The following CLDN10 variants were observed in gnomAD, a reference collection of about 807,000 sequenced individuals.
CLDN10 encodes the protein claudin-10.
In CLDN10, 15 loss-of-function variants were observed where a neutral mutation model predicts 22.9. The ratio of observed to expected loss-of-function variants is 0.65; its 90% CI spans 0.44 to 1.01. The LOEUF (loss-of-function observed/expected upper bound fraction) is 1.01, where lower values mean the gene tolerates loss of function less well. Among genes scored for constraint, CLDN10 ranks in the 50% least tolerant of loss-of-function variants. CLDN10 has a pLI of 0.00. For synonymous variants in CLDN10, 114 were observed against 111.4 expected, an observed-to-expected ratio of 1.02 and a Z score of -0.15; for missense variants, 247 against 287.8, an observed-to-expected ratio of 0.86 and a Z score of 1.03.
At chr13:95,492,042 A>C (rs1266659433) in intron 1 of CLDN10, among the ~76,000 whole-genome samples, 2 of 152,154 alleles carry the variant, frequency 1.3e-5, no homozygotes, top group Admixed American at 6.5e-5. Flanking sequence ...TCAGCCATGG[A>C]TACCAGCACC....
intron 1 of CLDN10, among the ~76,000 whole-genome samples, chr13:95,493,079 C>T (rs1436165640): frequency 6.6e-6 from 1 of 152,146 alleles, no homozygotes; most frequent in Non-Finnish European, 1.5e-5. Flanking sequence ...TGCGGCTCCT[C>T]TCAGGATTGC....
exon 1 of CLDN10, chr13:95,433,926 C>T: frequency 2.5e-6 from 4 of 1,614,160 alleles, no homozygotes; most frequent in South Asian, 2.2e-5. Context: ...GGAAAGTGAC[C>T]ACGCGAGCCT....
intron 1 of CLDN10, among the ~76,000 whole-genome samples, chr13:95,484,414 A>C (rs1297182981): frequency 1.3e-5 from 2 of 152,134 alleles, no homozygotes; most frequent in African/African-American, 4.8e-5. Flanking sequence ...CTACTTCCCT[A>C]ATCTTTCTTA....
intron 1 of CLDN10, among the ~76,000 whole-genome samples, chr13:95,503,308 A>G (rs895475700): frequency 6.6e-6 from 1 of 152,250 alleles, no homozygotes; most frequent in Non-Finnish European, 1.5e-5. Flanking sequence ...TCAAACACTA[A>G]ACCATGGAAA....
At chr13:95,442,753 T>C (rs74106167) in intron 1 of CLDN10, among the ~76,000 whole-genome samples, 3,152 of 152,326 alleles carry the variant, frequency 0.021, 117 homozygotes, top group African/African-American at 0.072. Context: ...GTTTGAATCA[T>C]AGCTCCACAT....
intron 1 of CLDN10, among the ~76,000 whole-genome samples, chr13:95,457,347 A>G (rs1358486121): frequency 6.6e-6 from 1 of 152,236 alleles, no homozygotes; most frequent in Non-Finnish European, 1.5e-5. Flanking sequence ...GCCATCTTCT[A>G]CATTGCAGAG....
intron 1 of CLDN10, among the ~76,000 whole-genome samples, chr13:95,488,789 G>A (rs541345233): frequency 6.6e-6 from 1 of 151,936 alleles, no homozygotes; most frequent in South Asian, 2.1e-4. Flanking sequence ...TTGATTGATA[G>A]GCATTTGGGT....
At chr13:95,483,984 C>T (rs2042777396) in intron 1 of CLDN10, among the ~76,000 whole-genome samples, 1 of 152,122 alleles carries the variant, frequency 6.6e-6, no homozygotes, top group Non-Finnish European at 1.5e-5. Context: ...TTATCCCTTC[C>T]ACCACATGAG....
chr13:95,568,043 G>T (rs899060176), intron 3 of CLDN10, among the ~76,000 whole-genome samples: 3 of 152,056 alleles, frequency 2.0e-5, no homozygotes, highest in African/African-American at 4.8e-5. Context: ...GATTTTCCTG[G>T]GTGAGGTTGA....
chr13:95,481,535 G>A (rs2042746986), intron 1 of CLDN10, among the ~76,000 whole-genome samples: 1 of 152,154 alleles, frequency 6.6e-6, no homozygotes, highest in Admixed American at 6.5e-5. Flanking sequence ...TAGTCTCTGA[G>A]GGCCATGTGG....
At chr13:95,434,562 T>C (rs542259716) in intron 1 of CLDN10, among the ~76,000 whole-genome samples, 1 of 149,602 alleles carries the variant, frequency 6.7e-6, no homozygotes, top group African/African-American at 2.5e-5. Flanking sequence ...TATGCACACA[T>C]GTGTGTATAT....
chr13:95,536,645 C>T (rs560687401), intron 1 of CLDN10, among the ~76,000 whole-genome samples: 9 of 152,290 alleles, frequency 5.9e-5, no homozygotes, highest in African/African-American at 1.9e-4. Context: ...TAATTCAAGG[C>T]GCTTCATAGT....
At chr13:95,537,059 AAAG>A (rs1020408975) in intron 1 of CLDN10, among the ~76,000 whole-genome samples, 1 of 152,246 alleles carries the variant, frequency 6.6e-6, no homozygotes, top group African/African-American at 2.4e-5. Flanking sequence ...TTGCTGAAGT[AAAG>A]AAGTAAGTTG....
chr13:95,471,090 G>A (rs995049341), intron 1 of CLDN10, among the ~76,000 whole-genome samples: 2 of 152,082 alleles, frequency 1.3e-5, no homozygotes, highest in Admixed American at 1.3e-4. Flanking sequence ...GCCTCACAGA[G>A]GATTAGAAGC....
At chr13:95,442,273 A>G (rs1217305117) in intron 1 of CLDN10, among the ~76,000 whole-genome samples, 1 of 152,212 alleles carries the variant, frequency 6.6e-6, no homozygotes, top group Non-Finnish European at 1.5e-5. Flanking sequence ...GAAAGGTCAC[A>G]TCTCTGCTGT....
chr13:95,479,224 C>T lies in CLDN10; in HGVS notation c.214+45177C>T, dbSNP rs2042717464. ...ATTAGCCGGGTGTGGTGGCGGGTGC[C>T]TGTAATCCCAACTACTTGGGAGGCT... On this transcript the variant is annotated intron_variant, in intron 1 of 4. Coordinates refer to the CLDN10 transcript ENST00000376873. Among the ~76,000 whole-genome samples, 3 of 152,104 alleles carry T rather than the reference C, an allele frequency of 2.0e-5. 1 individual carries two copies. In the South Asian group the frequency reaches 6.2e-4, roughly 32 times the overall value.
chr13:95,472,299 C>G (rs1323957497), intron 1 of CLDN10, among the ~76,000 whole-genome samples: 1 of 152,078 alleles, frequency 6.6e-6, no homozygotes. Flanking sequence ...ACTCCAGATA[C>G]TGATAACAAA....
In CLDN10 at chr13:95,552,854, C is replaced by A. The variant is rs1334933998; in HGVS notation, c.101C>A (p.Thr34Asn). 3.7e-6 allele frequency: 6 copies of A among 1,614,118 alleles called. No homozygotes were observed. The South Asian group carries it at 5.5e-5, about 15-fold the overall frequency. The part of the protein sequence containing the change: ...TLPTDYWKVS[T>N]IDGTVITTAT... ...CCCACCGACTACTGGAAGGTGTCTA[C>A]CATCGACGGCACGGTCATCACAACC... The change falls in exon 1 of 5, where the codon ACC (threonine) becomes AAC (asparagine). Residue 34 changes from threonine to asparagine, a missense_variant. Transcript: ENST00000299339.
intron 1 of CLDN10, among the ~76,000 whole-genome samples, chr13:95,495,170 G>A (rs2042915260): frequency 6.6e-6 from 1 of 151,494 alleles, no homozygotes; most frequent in South Asian, 2.1e-4. Context: ...TGAGTAGCTG[G>A]GACCACAGGA....
Sources: gnomAD v4.1 joint callset for allele counts (sites outside exome capture counted in the v4.1 genomes callset) on GRCh38, gnomAD v4.1.1 for gene constraint, MANE v1.5 for transcripts, NCBI Gene and HGNC (gene_info 2026-07-23, HGNC 2026-07-21) for gene names.